Variants in POLR3A observed in about 807,000 individuals in gnomAD.
POLR3A encodes RNA polymerase III subunit A.
In POLR3A, 112 loss-of-function variants were observed where a neutral mutation model predicts 152.8. That is an observed-to-expected ratio of 0.73 (90% confidence interval 0.63 to 0.86). The LOEUF is 0.86. Ranked by LOEUF, POLR3A falls within the 40% of genes least tolerant of loss-of-function variation. POLR3A has a pLI of 0.00. For missense variants in POLR3A, 1,385 were observed against 1,743.1 expected, an observed-to-expected ratio of 0.79 and a Z score of 3.66; for synonymous variants, 615 against 652.1, an observed-to-expected ratio of 0.94 and a Z score of 0.87.
rs796100649 is a variant in POLR3A, at chr10:78,014,426, T to C, written c.1432-636A>G. On this transcript the variant is annotated intron_variant, in intron 10 of 30. Coordinates refer to ENST00000372371, the MANE Select transcript of POLR3A (RefSeq NM_007055.4). ...TGGAAGTTACTGAGCACTAACCCCC[T>C]TTTTTTTTGAGACGTAGTCTCACTC... Among the ~76,000 whole-genome samples, 69 of 150,660 alleles carry C rather than the reference T, an allele frequency of 4.6e-4. 2 individuals are homozygous for C. Among genetic ancestry groups the C allele is most frequent in the African/African-American group, 7.6e-4 (31 of 40,628 alleles).
intron 29 of POLR3A, 137 bp downstream of exon 29, chr10:77,981,291 A>C: frequency 1.0e-5 from 9 of 881,092 alleles, no homozygotes; most frequent in Non-Finnish European, 9.4e-6. Context: ...TTTTTGAGCA[A>C]TGTTCACATC....
chr10:77,986,188 G>C (rs1339442364), intron 21 of POLR3A, 29 bp from the exon 22 acceptor site: 3 of 1,072,620 alleles, frequency 2.8e-6, no homozygotes, highest in Non-Finnish European at 4.4e-6. Flanking sequence ...AACATCATTT[G>C]TAAGTTTCAC....
At chr10:78,012,237 G>A (rs1477429884) in intron 11 of POLR3A, among the ~76,000 whole-genome samples, 1 of 151,892 alleles carries the variant, frequency 6.6e-6, no homozygotes, top group South Asian at 2.1e-4. Flanking sequence ...GGTGGCAGAC[G>A]CCTGTAATCC....
intron 10 of POLR3A, among the ~76,000 whole-genome samples, chr10:78,016,357 A>G (rs1174547704): frequency 6.6e-6 from 1 of 150,696 alleles, no homozygotes; most frequent in Admixed American, 6.6e-5. Flanking sequence ...TCCATTGAGC[A>G]CAGGAGATTG....
Position 78,002,192 on chromosome 10 carries a change from C to A in POLR3A, c.2359+5G>T. The A allele has an allele frequency of 1.9e-6, 3 of 1,565,202 alleles. No individual in the cohort carries two copies. Among genetic ancestry groups the A allele is most frequent in the Non-Finnish European group, 1.7e-6 (2 of 1,151,476 alleles). On this transcript the variant is annotated splice_donor_5th_base_variant and intron_variant, in intron 17 of 30. Transcript: ENST00000372371. The stretch of plus-strand genomic sequence containing the variant: ...TGCCAGCAGGTGAGAGAGGGGCATG[C>A]AGACCTTTGGAGCCGCACAGAGCCA...
At chr10:77,982,106 C>T (rs1428926377) in intron 28 of POLR3A, 48 bp downstream of exon 28, 12 of 1,327,874 alleles carry the variant, frequency 9.0e-6, no homozygotes, top group Non-Finnish European at 1.3e-5. Context: ...GCAGATGGCA[C>T]AAGGAAGACA....
chr10:78,022,211 G>A lies in POLR3A; in HGVS notation c.819C>T (p.Gly273=), dbSNP rs778876033. 19 of 1,613,986 alleles carry A rather than the reference G, an allele frequency of 1.2e-5. No individual in the cohort carries two copies. Among genetic ancestry groups the A allele is most frequent in the Middle Eastern group, 1.6e-4 (1 of 6,084 alleles). ...RPSVVSDLKS[G]TNEDDLTMKL... ...TCATTGTCAGATCATCTTCATTGGT[G>A]CCAGACTTCAAATCACTCACAACGG... is the stretch of plus-strand genomic sequence containing the variant. The change falls in exon 6 of 31, where the codon GGC becomes GGT. Residue 273 remains glycine, a synonymous_variant. Transcript: ENST00000372371.
At chr10:78,022,498 A>G in intron 5 of POLR3A, 114 bp from the exon 6 acceptor site, 1 of 1,099,444 alleles carries the variant, frequency 9.1e-7, no homozygotes, top group Non-Finnish European at 1.4e-6. Flanking sequence ...ATAAGTGACA[A>G]CAGAGATTTC....
At chr10:78,014,846 G>A (rs1847504050) in intron 10 of POLR3A, among the ~76,000 whole-genome samples, 1 of 152,194 alleles carries the variant, frequency 6.6e-6, no homozygotes, top group Non-Finnish European at 1.5e-5. Context: ...CTCTGGGCAA[G>A]CAAACAGACC....
At chr10:77,997,073 C>G (rs1847308952) in intron 19 of POLR3A, among the ~76,000 whole-genome samples, 1 of 152,092 alleles carries the variant, frequency 6.6e-6, no homozygotes, top group African/African-American at 2.4e-5. Context: ...ACATGATTAT[C>G]TCAATAGATG....
intron 3 of POLR3A, 98 bp from the exon 4 acceptor site, chr10:78,025,240 G>A (rs1564623985): frequency 3.0e-5 from 38 of 1,272,648 alleles, no homozygotes; most frequent in Non-Finnish European, 4.0e-5. Flanking sequence ...CCTTAACCAC[G>A]TGACCATATA....
In POLR3A at chr10:77,986,148, T is replaced by A; in HGVS notation, c.2913A>T (p.Lys971Asn). 6.6e-7 allele frequency: 1 copy of A among 1,518,192 alleles called. No individual in the cohort carries two copies. Among genetic ancestry groups the A allele is most frequent in the Non-Finnish European group, 9.2e-7 (1 of 1,092,722 alleles). 94.0% of individuals were successfully genotyped at this position (1,518,192 alleles called of 1,614,324 possible). Reference sequence around the variant, plus strand: ...TCTTCTCAGAGACCCCCTTAATGAATTTTTTTATTTCCTGAAAGATTACAC... The same window carrying A: ...TCTTCTCAGAGACCCCCTTAATGAAATTTTTTATTTCCTGAAAGATTACAC... ...CQDSFLQEIK[K>N]FIKGVSEKIK... The change falls in exon 22 of 31, where the codon AAA becomes AAT. Residue 971 changes from lysine (K) to asparagine (N), a missense_variant. Around this residue, in one of 7 missense-constraint regions of POLR3A, gnomAD observed 178 missense variants for 204.6 expected, o/e 0.87. Transcript: ENST00000372371.
At position 78,024,712 on chromosome 10, in the gene POLR3A, G is replaced by A; in HGVS notation, c.491-9C>T. 6.2e-7 allele frequency: 1 copy of A among 1,609,730 alleles called. No individual in the cohort carries two copies. Among genetic ancestry groups the A allele is most frequent in the Non-Finnish European group, 8.5e-7 (1 of 1,176,242 alleles). ...ACACTTCTTTACGGTACCTATAAGGGTTAGTTTATTTACCAAGAAATAAAA... is the reference window on the plus strand; with the variant it reads ...ACACTTCTTTACGGTACCTATAAGGATTAGTTTATTTACCAAGAAATAAAA... On this transcript the variant is annotated splice_polypyrimidine_tract_variant and intron_variant, in intron 4 of 30. Coordinates refer to ENST00000372371, the MANE Select transcript of POLR3A (RefSeq NM_007055.4).
chr10:78,004,029 A>G (rs1414398615), intron 16 of POLR3A, among the ~76,000 whole-genome samples: 1 of 146,078 alleles, frequency 6.8e-6, no homozygotes, highest in East Asian at 2.1e-4. Flanking sequence ...AGGTCAGGAG[A>G]TCGAGACCGT....
chr10:78,019,339 T>A, intron 8 of POLR3A, 74 bp from the exon 9 acceptor site: 1 of 1,011,714 alleles, frequency 9.9e-7, no homozygotes, highest in Non-Finnish European at 1.6e-6. Flanking sequence ...AAATGCGTCT[T>A]AATCTTTACT....
At chr10:77,993,946 A>G (rs1353571930) in intron 19 of POLR3A, among the ~76,000 whole-genome samples, 4 of 152,232 alleles carry the variant, frequency 2.6e-5, no homozygotes, top group Non-Finnish European at 2.9e-5. Flanking sequence ...TGAATTAAAG[A>G]GAAGGAAATC....
At chr10:78,010,110 C>T in intron 12 of POLR3A, 119 bp from the exon 13 acceptor site, 1 of 1,315,694 alleles carries the variant, frequency 7.6e-7, no homozygotes, top group Non-Finnish European at 1.1e-6. Context: ...AAACAAACAG[C>T]TGCTTACTGG....
intron 15 of POLR3A, among the ~76,000 whole-genome samples, chr10:78,006,395 CAAAAAAAAAAAAAA>C (rs36050560): frequency 9.1e-5 from 2 of 21,936 alleles, no homozygotes; most frequent in South Asian, 1.8e-3. Context: ...GACTCTGTCT[CAAAAAAAAAAAAAA>C]AAAAAAAAAA....
Position 77,999,882 on chromosome 10 carries a change from GA to G in POLR3A, c.2616+98del, listed in dbSNP as rs1847339295. 4 of 1,219,968 alleles carry G rather than the reference GA, an allele frequency of 3.3e-6. No homozygotes were observed. In the East Asian group the frequency reaches 9.3e-5, roughly 29 times the overall value. The allele number at this position is 1,219,968 out of a possible 1,614,324, so 75.6% of individuals were successfully genotyped here. A position where few individuals can be genotyped will look rare whatever the true frequency, so the allele number is the denominator to read the frequency against. On this transcript the variant is annotated intron_variant, in intron 19 of 30. Transcript: ENST00000372371. ...TCCTTTTAAATTTAACCCAAGACTA[GA>G]TAAATTACAGCTCATGTGCAAAACG... is the stretch of plus-strand genomic sequence containing the variant.
Sources: allele counts gnomAD v4.1 joint callset (sites outside exome capture counted in the v4.1 genomes callset), GRCh38; gene constraint gnomAD v4.1.1; regional missense constraint gnomAD v4.1.1; transcripts MANE v1.5; gene names NCBI Gene and HGNC (gene_info 2026-07-23, HGNC 2026-07-21).